SMAP2: variants seen among roughly 807,000 people sequenced by gnomAD.
The protein encoded by SMAP2 is small ArfGAP2, also known as stromal membrane-associated protein 2.
In SMAP2, 25 loss-of-function variants were observed where a neutral mutation model predicts 56.4. That is an observed-to-expected ratio of 0.44 (90% CI 0.32 to 0.62). The LOEUF (loss-of-function observed/expected upper bound fraction) is 0.62, where lower values mean the gene tolerates loss of function less well. SMAP2 is among the 20% of genes least tolerant of loss of function. The pLI, the probability that SMAP2 is intolerant of heterozygous loss-of-function variation, is 0.04. For synonymous variants in SMAP2, 157 were observed against 181.7 expected (o/e 0.86, Z 1.09); for missense variants, 388 against 545.6 (o/e 0.71, Z 2.88).
chr1:40,354,109 T>G (rs1053470509), intron 1 of SMAP2, among the ~76,000 whole-genome samples: 9 of 152,068 alleles, frequency 5.9e-5, no homozygotes, highest in African/African-American at 2.2e-4. Flanking sequence ...AATAAACCAC[T>G]CTTTAAGCTA....
chr1:40,415,295 G>A lies in SMAP2; in HGVS notation c.595G>A (p.Ala199Thr). ...GLDAPVACSI[A>T]NSKTSNTLEK... is the part of the protein sequence containing the mutation. ...AGATGCTCCTGTGGCCTGCTCCATT[G>A]CAAATAGTAAGACCAGCAATACCCT... Residue 199 changes from alanine to threonine, a missense_variant, in exon 7 of 10, where the codon GCA becomes ACA. Ala to Thr is a moderately conservative substitution (Grantham distance 58). Transcript: ENST00000372718. 6.2e-7 allele frequency: 1 copy of A among 1,613,860 alleles called. No homozygotes were observed. Among genetic ancestry groups the A allele is most frequent in the Non-Finnish European group, 8.5e-7 (1 of 1,179,766 alleles).
At chr1:40,415,775 A>G (rs543725439) in intron 7 of SMAP2, among the ~76,000 whole-genome samples, 1 of 152,224 alleles carries the variant, frequency 6.6e-6, no homozygotes, top group Non-Finnish European at 1.5e-5. Context: ...ATCATTTTGT[A>G]TATTTCATTA....
chr1:40,417,558 C>G (rs1645002102), intron 9 of SMAP2, among the ~76,000 whole-genome samples: 1 of 151,986 alleles, frequency 6.6e-6, no homozygotes, highest in Admixed American at 6.6e-5. Flanking sequence ...ATAAAGTAAC[C>G]CCCCAGAAGG....
chr1:40,347,245 G>GTGTGTGTGTGTTTTTTTTTT (rs1644392559), intron 1 of SMAP2, among the ~76,000 whole-genome samples: 1 of 47,376 alleles, frequency 2.1e-5, no homozygotes, highest in African/African-American at 5.7e-5. Context: ...TGTGTGTTTT[G>GTGTGTGTGTGTTTTTTTTTT]TTTTTGTTTT....
chr1:40,410,451 C>T (rs1351820809), intron 4 of SMAP2, among the ~76,000 whole-genome samples: 2 of 151,438 alleles, frequency 1.3e-5, no homozygotes, highest in African/African-American at 4.9e-5. Flanking sequence ...ATATGTACTA[C>T]AGCTATATCT....
chr1:40,406,490 C>G (rs1253619069), intron 1 of SMAP2, among the ~76,000 whole-genome samples: 4 of 152,118 alleles, frequency 2.6e-5, no homozygotes, highest in Non-Finnish European at 5.9e-5. Flanking sequence ...TGAAAATGTT[C>G]TGGAATTAGA....
At chr1:40,411,128 A>T (rs1309422935) in intron 4 of SMAP2, among the ~76,000 whole-genome samples, 1 of 152,222 alleles carries the variant, frequency 6.6e-6, no homozygotes, top group Non-Finnish European at 1.5e-5. Flanking sequence ...CAACACAGGC[A>T]AGTAAGTGTA....
chr1:40,420,591 A>T (rs1359046834), intron 9 of SMAP2, among the ~76,000 whole-genome samples: 1 of 152,240 alleles, frequency 6.6e-6, no homozygotes, highest in Non-Finnish European at 1.5e-5. Context: ...ATTATTTATT[A>T]ATTATAATGA....
chr1:40,417,783 G>A lies in SMAP2; in HGVS notation c.1164+687G>A, dbSNP rs942757451. Among the ~76,000 whole-genome samples, 6 of 152,104 alleles carry A rather than the reference G, an allele frequency of 3.9e-5. No homozygotes were observed. In the East Asian group the frequency reaches 5.8e-4, roughly 15 times the overall value. ...CTGGTGGTGAAGGAAAGAAAGACAC[G>A]AGAAATGGGAATGAGAATCACAAAA... is the stretch of plus-strand genomic sequence containing the variant. On this transcript the variant is annotated intron_variant, in intron 9 of 9. Transcript: ENST00000372718.
At chr1:40,373,226 T>G (rs75029663), upstream of SMAP2, among the ~76,000 whole-genome samples, 102 of 152,174 alleles carry the variant, frequency 6.7e-4, 1 homozygote, top group East Asian at 0.018. Flanking sequence ...GTATTCCAAG[T>G]GAGAGGTGAC....
At chr1:40,400,018 C>T (rs1456388882) in intron 1 of SMAP2, among the ~76,000 whole-genome samples, 4 of 152,332 alleles carry the variant, frequency 2.6e-5, no homozygotes, top group Admixed American at 6.5e-5. Flanking sequence ...AGAGATGTTA[C>T]AGTCGGGTTT....
intron 1 of SMAP2, chr1:40,375,829 C>A (rs940249527): frequency 3.2e-5 from 19 of 600,116 alleles, no homozygotes; most frequent in Non-Finnish European, 1.2e-5. Flanking sequence ...GACTAGAACC[C>A]CCCCCCCCAT....
At chr1:40,371,338 G>C (rs895706818), upstream of SMAP2, among the ~76,000 whole-genome samples, 10 of 151,982 alleles carry the variant, frequency 6.6e-5, no homozygotes, top group Admixed American at 3.9e-4. Context: ...TATATCCTCA[G>C]ACCCTGGGCT....
At chr1:40,409,893 G>T in intron 4 of SMAP2, 58 bp downstream of exon 4, 1 of 1,154,326 alleles carries the variant, frequency 8.7e-7, no homozygotes, top group East Asian at 2.4e-5. Context: ...ATTAAATCAG[G>T]CCAGAGAACA....
intron 1 of SMAP2, among the ~76,000 whole-genome samples, chr1:40,354,964 A>G (rs1644428814): frequency 6.6e-6 from 1 of 150,894 alleles, no homozygotes; most frequent in Non-Finnish European, 1.5e-5. Context: ...TTGTATTTTT[A>G]GTAGAGAGGG....
At chr1:40,382,689 A>G (rs1644610319) in intron 1 of SMAP2, among the ~76,000 whole-genome samples, 1 of 152,204 alleles carries the variant, frequency 6.6e-6, no homozygotes, top group Non-Finnish European at 1.5e-5. Flanking sequence ...AAATTCCTCT[A>G]TTGTTAAAGC....
intron 1 of SMAP2, among the ~76,000 whole-genome samples, chr1:40,380,675 G>A (rs1186079569): frequency 6.6e-6 from 1 of 151,854 alleles, no homozygotes; most frequent in African/African-American, 2.4e-5. Context: ...GATTAGAGAC[G>A]CCTGCCACCA....
intron 1 of SMAP2, among the ~76,000 whole-genome samples, chr1:40,403,258 G>A (rs2124325923): frequency 6.6e-6 from 1 of 152,214 alleles, no homozygotes. Flanking sequence ...GTAATCCCAG[G>A]CCTTTGAGAG....
At chr1:40,360,557 C>T (rs1223163341) in intron 1 of SMAP2, among the ~76,000 whole-genome samples, 1 of 152,184 alleles carries the variant, frequency 6.6e-6, no homozygotes, top group Non-Finnish European at 1.5e-5. Flanking sequence ...CCTGCCTCGG[C>T]CTCCCAAAGT....
Sources: allele counts gnomAD v4.1 joint callset (sites outside exome capture counted in the v4.1 genomes callset), GRCh38; gene constraint gnomAD v4.1.1; transcripts MANE v1.5; gene names NCBI Gene and HGNC (gene_info 2026-07-23, HGNC 2026-07-21).